DPPA2: variants seen among roughly 807,000 people sequenced by gnomAD.
DPPA2 encodes developmental pluripotency-associated protein 2.
In DPPA2, 26 loss-of-function variants were observed where a neutral mutation model predicts 36.2. That is an observed-to-expected ratio of 0.72 (90% CI 0.53 to 1.00). The LOEUF (loss-of-function observed/expected upper bound fraction) is 1.00, where lower values mean the gene tolerates loss of function less well. DPPA2 is among the 50% of genes least tolerant of loss of function. DPPA2 has a pLI of 0.00. For synonymous variants in DPPA2, 113 were observed against 123.2 expected, an observed-to-expected ratio of 0.92 and a Z score of 0.55; for missense variants, 361 against 365.1, an observed-to-expected ratio of 0.99 and a Z score of 0.09.
At chr3:109,299,957 G>A (rs1428853081) in intron 8 of DPPA2, among the ~76,000 whole-genome samples, 3 of 152,052 alleles carry the variant, frequency 2.0e-5, no homozygotes, top group Admixed American at 2.0e-4. Flanking sequence ...GCACACTAAT[G>A]CAAGTTACTA....
At chr3:109,315,818 C>T (rs1046909674) in intron 1 of DPPA2, among the ~76,000 whole-genome samples, 1 of 151,824 alleles carries the variant, frequency 6.6e-6, no homozygotes, top group Non-Finnish European at 1.5e-5. Context: ...CACTTGAGTC[C>T]AGAAGTTCGA....
chr3:109,301,606 C>G (rs963403680), intron 7 of DPPA2, among the ~76,000 whole-genome samples: 1 of 151,868 alleles, frequency 6.6e-6, no homozygotes, highest in Middle Eastern at 3.4e-3. Context: ...GAGCAGAGAT[C>G]ATGCCACTAT....
At chr3:109,298,128 T>C (rs549451924) in intron 8 of DPPA2, among the ~76,000 whole-genome samples, 1 of 152,136 alleles carries the variant, frequency 6.6e-6, no homozygotes, top group African/African-American at 2.4e-5. Flanking sequence ...GTGTATGGGC[T>C]TGCGGGGAGG....
intron 7 of DPPA2, among the ~76,000 whole-genome samples, chr3:109,302,004 T>C (rs1707464500): frequency 6.6e-6 from 1 of 152,190 alleles, no homozygotes; most frequent in Non-Finnish European, 1.5e-5. Context: ...CATCATTACC[T>C]TACATGGCCA....
At chr3:109,314,079 T>G (rs1707752217) in intron 2 of DPPA2, among the ~76,000 whole-genome samples, 1 of 150,606 alleles carries the variant, frequency 6.6e-6, no homozygotes, top group Admixed American at 6.6e-5. Context: ...ATTGGTCACT[T>G]TACTTTATGA....
chr3:109,296,242 C>A (rs1446535962), intron 8 of DPPA2, among the ~76,000 whole-genome samples: 3 of 151,868 alleles, frequency 2.0e-5, no homozygotes, highest in Non-Finnish European at 4.4e-5. Context: ...ACTCAAACTG[C>A]AGAAAAACAA....
chr3:109,299,556 T>G (rs1576815865), intron 8 of DPPA2, among the ~76,000 whole-genome samples: 1 of 150,796 alleles, frequency 6.6e-6, no homozygotes, highest in African/African-American at 2.4e-5. Context: ...CGTGGTGGTG[T>G]GCACCTGTAA....
At position 109,293,797 on chromosome 3, in the gene DPPA2, A is replaced by G. The variant is rs1004023242; in HGVS notation, c.*230T>C. The G allele has an allele frequency of 1.3e-5, 2 of 152,192 alleles. No individual in the cohort carries two copies. The highest frequency in any genetic ancestry group is 4.8e-5 in the African/African-American group (2 of 41,440). 9.4% of individuals were successfully genotyped at this position (152,192 alleles called of 1,614,324 possible). On this transcript the variant is annotated 3_prime_UTR_variant, in exon 9 of 9. Coordinates refer to ENST00000478945, the MANE Select transcript of DPPA2 (RefSeq NM_138815.4). ...ACACACACTGAATGAATACAAGGCC[A>G]ATTGCAGTGACTTTATTTTAATGGG...
intron 3 of DPPA2, among the ~76,000 whole-genome samples, 153 bp downstream of exon 3, chr3:109,312,392 T>C (rs1036967344): frequency 6.6e-6 from 1 of 152,120 alleles, no homozygotes; most frequent in Non-Finnish European, 1.5e-5. Flanking sequence ...AAGCGAGAAG[T>C]ATGAGAGTTT....
rs548922528 is a variant in DPPA2, at chr3:109,314,134, TA to T, written c.33+375del. On this transcript the variant is annotated intron_variant, in intron 2 of 8. Transcript: ENST00000478945. ...TTCACTTTCTTTTCACCTTTGCTTT[TA>T]AAAAAAAACTTATTTTTAATTTTTA... is the stretch of plus-strand genomic sequence containing the variant. 9.9e-4 allele frequency among the ~76,000 whole-genome samples: 151 copies of T among 151,834 alleles called. 1 individual carries two copies. Among genetic ancestry groups the T allele is most frequent in the Middle Eastern group, 3.4e-3 (1 of 294 alleles).
In DPPA2 at chr3:109,305,774, CAAA is replaced by C. The variant is rs35410330; in HGVS notation, c.659-1107_659-1105del. Among the ~76,000 whole-genome samples, 260 of 83,538 alleles carry C rather than the reference CAAA, an allele frequency of 3.1e-3. 1 individual carries two copies. Among genetic ancestry groups the C allele is most frequent in the African/African-American group, 9.9e-3 (240 of 24,264 alleles). The allele number at this position is 83,538 out of a possible 152,430, so 54.8% of individuals were successfully genotyped here. ...GGACAACAAGAGTGAAACTCCATCT[CAAA>C]AAAAAAAAAAAAAAACGCGTAAGGA... On this transcript the variant is annotated intron_variant, in intron 6 of 8. Transcript: ENST00000478945.
chr3:109,315,042 G>A (rs1707766468), intron 1 of DPPA2, among the ~76,000 whole-genome samples: 1 of 152,048 alleles, frequency 6.6e-6, no homozygotes, highest in South Asian at 2.1e-4. Context: ...CTCCAGCTTC[G>A]CGAGACTCTG....
At chr3:109,314,100 A>G (rs913763105) in intron 2 of DPPA2, among the ~76,000 whole-genome samples, 14 of 152,134 alleles carry the variant, frequency 9.2e-5, no homozygotes, top group African/African-American at 3.4e-4. Flanking sequence ...CTTTATCCAC[A>G]TTACCGCCTT....
At chr3:109,304,808 A>C in intron 6 of DPPA2, 138 bp from the exon 7 acceptor site, 2 of 802,404 alleles carry the variant, frequency 2.5e-6, no homozygotes, top group Non-Finnish European at 3.8e-6. Context: ...CCTAGACCAC[A>C]TGACACTATG....
intron 6 of DPPA2, among the ~76,000 whole-genome samples, chr3:109,306,679 G>C (rs546473720): frequency 9.9e-5 from 15 of 151,724 alleles, no homozygotes; most frequent in Non-Finnish European, 2.2e-4. Context: ...AGATTTCTTA[G>C]AGGGCCCCAG....
intron 7 of DPPA2, among the ~76,000 whole-genome samples, chr3:109,300,821 C>CAAAAAAAAAAAA (rs767043097): frequency 1.5e-5 from 1 of 68,086 alleles, no homozygotes; most frequent in Admixed American, 1.8e-4. Flanking sequence ...GACTCAGTCT[C>CAAAAAAAAAAAA]AAAAAAAAAA....
intron 8 of DPPA2, among the ~76,000 whole-genome samples, chr3:109,299,702 A>G (rs1191816843): frequency 2.0e-5 from 3 of 149,134 alleles, no homozygotes; most frequent in African/African-American, 7.5e-5. Flanking sequence ...AAAAAAAAAG[A>G]AAAAGAAAAA....
intron 6 of DPPA2, among the ~76,000 whole-genome samples, chr3:109,305,657 C>T (rs995035617): frequency 1.3e-5 from 2 of 151,924 alleles, no homozygotes; most frequent in African/African-American, 4.8e-5. Context: ...GCCTGTAATC[C>T]CAGCTACTCA....
chr3:109,305,252 T>G (rs1041583282), intron 6 of DPPA2, among the ~76,000 whole-genome samples: 1 of 152,226 alleles, frequency 6.6e-6, no homozygotes, highest in Non-Finnish European at 1.5e-5. Context: ...GTGATTTATG[T>G]GTATTAATAC....
Sources: allele counts gnomAD v4.1 joint callset (sites outside exome capture counted in the v4.1 genomes callset), GRCh38; gene constraint gnomAD v4.1.1; transcripts MANE v1.5; gene names NCBI Gene and HGNC (gene_info 2026-07-23, HGNC 2026-07-21).